Variants in CDC73 observed in about 807,000 individuals in gnomAD.
CDC73 encodes parafibromin.
A neutral mutation model predicts 83.7 loss-of-function variants in CDC73; 21 were observed. The ratio of observed to expected loss-of-function variants is 0.25; its 90% CI spans 0.18 to 0.36. The LOEUF (loss-of-function observed/expected upper bound fraction) is 0.36. CDC73 is among the 10% of genes least tolerant of loss of function. CDC73 has a pLI of 1.00. For missense variants in CDC73, 342 were observed against 653.3 expected, an observed-to-expected ratio of 0.52 and a Z score of 5.19; for synonymous variants, 224 against 212.9, an observed-to-expected ratio of 1.05 and a Z score of -0.45.
At chr1:193,139,295 T>G (rs1675860436) in intron 6 of CDC73, among the ~76,000 whole-genome samples, 1 of 152,012 alleles carries the variant, frequency 6.6e-6, no homozygotes, top group South Asian at 2.1e-4. Flanking sequence ...AGACGGAGTT[T>G]CGCTCTTGTG....
In CDC73 at chr1:193,172,237, C is replaced by CTT. The variant is rs36004862; in HGVS notation, c.972+19810_972+19811dup. On this transcript the variant is annotated intron_variant, in intron 10 of 16. Transcript: ENST00000367435. ...ACTGCGCCTGGCTGATTTTTGGTAC[C>CTT]TTTTTTTTTTTTTTTTTTAAGAAAA... Among the ~76,000 whole-genome samples the CTT allele has an allele frequency of 1.3e-3, 179 of 134,364 alleles. 1 individual carries two copies. Among genetic ancestry groups the CTT allele is most frequent in the African/African-American group, 2.2e-3 (80 of 36,274 alleles). 88.1% of individuals were successfully genotyped at this position (134,364 alleles called of 152,430 possible).
chr1:193,141,497 A>G (rs977066470), intron 6 of CDC73, among the ~76,000 whole-genome samples: 2 of 152,184 alleles, frequency 1.3e-5, no homozygotes, highest in South Asian at 4.1e-4. Flanking sequence ...ACCTCCTTCC[A>G]AAGTGGCATC....
intron 8 of CDC73, among the ~76,000 whole-genome samples, chr1:193,149,743 A>G (rs1304492681): frequency 6.6e-6 from 1 of 152,202 alleles, no homozygotes. Context: ...CTTTGGGAAT[A>G]TTCCTAAATA....
chr1:193,203,624 C>A (rs1035844515), intron 10 of CDC73, among the ~76,000 whole-genome samples, 171 bp from the exon 11 acceptor site: 12 of 152,044 alleles, frequency 7.9e-5, no homozygotes, highest in Non-Finnish European at 5.9e-5. Flanking sequence ...GGAGAGTTTT[C>A]ATTTTTATTT....
intron 13 of CDC73, among the ~76,000 whole-genome samples, chr1:193,224,815 A>C (rs528348562): frequency 4.7e-4 from 71 of 152,280 alleles, no homozygotes; most frequent in African/African-American, 1.6e-3. Context: ...GAGGATGCTG[A>C]ATGTGTTTTC....
chr1:193,137,650 A>G (rs1278979646), intron 5 of CDC73, among the ~76,000 whole-genome samples: 2 of 152,192 alleles, frequency 1.3e-5, no homozygotes, highest in Non-Finnish European at 2.9e-5. Context: ...TCCTTAGAGC[A>G]TTTTGATTAG....
chr1:193,130,228 C>A lies in CDC73; in HGVS notation c.292C>A (p.Leu98Ile). ...RPDRKDLLGYLNGEASTSASI... is the reference protein window; with the variant it reads ...RPDRKDLLGYINGEASTSASI... ...TGATCGAAAAGATCTACTTGGATAT[C>A]TCAATGGTGAAGCGTGTGAGTACTT... is the stretch of plus-strand genomic sequence containing the variant. Residue 98 changes from leucine to isoleucine, a missense_variant, in exon 3 of 17, where the codon CTC (leucine) becomes ATC (isoleucine). Transcript: ENST00000367435. 6.2e-7 allele frequency: 1 copy of A among 1,600,080 alleles called. No individual in the cohort carries two copies. The highest frequency in any genetic ancestry group is 8.6e-7 in the Non-Finnish European group (1 of 1,167,644).
At chr1:193,229,921 A>G (rs964559486) in intron 13 of CDC73, among the ~76,000 whole-genome samples, 1 of 152,224 alleles carries the variant, frequency 6.6e-6, no homozygotes, top group Admixed American at 6.6e-5. Context: ...ACTGAAAGGT[A>G]TATAAGGAAA....
At chr1:193,229,417 C>A (rs1206862512) in intron 13 of CDC73, among the ~76,000 whole-genome samples, 1 of 152,224 alleles carries the variant, frequency 6.6e-6, no homozygotes, top group Non-Finnish European at 1.5e-5. Context: ...GGGCTCTGCC[C>A]TCACAAATAG....
In CDC73 at chr1:193,138,185, T is replaced by A. The variant is rs186208404; in HGVS notation, c.512+12T>A. On this transcript the variant is annotated intron_variant, in intron 6 of 16. Coordinates refer to ENST00000367435, the MANE Select transcript of CDC73 (RefSeq NM_024529.5). ...ACTGAACAGATTAGGTAAGAATTCTTTTTAAGTAGAAAGTAGGTAGTTTAG... is the reference window on the plus strand; with the variant it reads ...ACTGAACAGATTAGGTAAGAATTCTATTTAAGTAGAAAGTAGGTAGTTTAG... 6.4e-7 allele frequency: 1 copy of A among 1,552,262 alleles called. No homozygotes were observed.
chr1:193,215,564 T>A (rs1026204080), intron 13 of CDC73, among the ~76,000 whole-genome samples: 1 of 152,040 alleles, frequency 6.6e-6, no homozygotes, highest in Non-Finnish European at 1.5e-5. Flanking sequence ...CCTAAATCGC[T>A]TTTGGGCAAA....
chr1:193,175,374 G>T (rs963279022), intron 10 of CDC73, among the ~76,000 whole-genome samples: 7 of 152,176 alleles, frequency 4.6e-5, no homozygotes, highest in Non-Finnish European at 5.9e-5. Flanking sequence ...GGGTTAAATG[G>T]ATATGGGCAA....
chr1:193,219,711 A>G (rs1299776791), intron 13 of CDC73, among the ~76,000 whole-genome samples: 1 of 152,172 alleles, frequency 6.6e-6, no homozygotes, highest in East Asian at 1.9e-4. Context: ...GAGGGAAACA[A>G]AAGACACCAG....
chr1:193,140,000 G>T (rs1181440171), intron 6 of CDC73, among the ~76,000 whole-genome samples: 1 of 152,138 alleles, frequency 6.6e-6, no homozygotes, highest in Admixed American at 6.5e-5. Context: ...GGGTACGTGA[G>T]GGGGATCTTC....
At chr1:193,215,569 G>A (rs1395767213) in intron 13 of CDC73, among the ~76,000 whole-genome samples, 2 of 151,494 alleles carry the variant, frequency 1.3e-5, no homozygotes, top group Non-Finnish European at 2.9e-5. Flanking sequence ...ATCGCTTTTG[G>A]GCAAAGAATG....
chr1:193,156,605 A>C (rs763947944), intron 10 of CDC73, among the ~76,000 whole-genome samples: 1 of 152,130 alleles, frequency 6.6e-6, no homozygotes, highest in East Asian at 1.9e-4. Flanking sequence ...AAAAGCAGGA[A>C]CACATACATA....
chr1:193,220,854 A>G (rs761389342), intron 13 of CDC73, among the ~76,000 whole-genome samples: 7 of 152,212 alleles, frequency 4.6e-5, no homozygotes, highest in African/African-American at 7.2e-5. Context: ...TGAAATAGAT[A>G]TGATAATATA....
chr1:193,205,195 TCC>T (rs34118735), intron 11 of CDC73, among the ~76,000 whole-genome samples: 2,260 of 64,460 alleles, frequency 0.035, 126 homozygotes, highest in Non-Finnish European at 0.045. Flanking sequence ...ATACCACCTG[TCC>T]CCCCCCCCCC....
chr1:193,226,488 G>A (rs972564375), intron 13 of CDC73, among the ~76,000 whole-genome samples: 1 of 152,172 alleles, frequency 6.6e-6, no homozygotes. Flanking sequence ...ATTGAGGTAT[G>A]TCTCTTGTCT....
Sources: allele counts gnomAD v4.1 joint callset (sites outside exome capture counted in the v4.1 genomes callset), GRCh38; gene constraint gnomAD v4.1.1; transcripts MANE v1.5; gene names NCBI Gene and HGNC (gene_info 2026-07-23, HGNC 2026-07-21).